Variants in DGCR2 observed in about 807,000 individuals in gnomAD.
The protein encoded by DGCR2 is integral membrane protein DGCR2/IDD.
A neutral mutation model predicts 51.6 loss-of-function variants in DGCR2; 24 were observed. That is an observed-to-expected ratio of 0.47 (90% confidence interval 0.34 to 0.65). DGCR2 has a LOEUF of 0.65. Among genes scored for constraint, DGCR2 ranks in the 30% least tolerant of loss-of-function variants. The probability of loss-of-function intolerance (pLI) is 0.01; values close to 1 mark genes in which losing one functional copy is unlikely to be tolerated. For missense variants in DGCR2, 765 were observed against 772.1 expected (o/e 0.99, Z 0.11); for synonymous variants, 340 against 315.4 (o/e 1.08, Z -0.82).
chr22:19,045,488 G>A (rs981579341), intron 7 of DGCR2: 2 of 152,246 alleles, frequency 1.3e-5, no homozygotes, highest in African/African-American at 4.8e-5. Context: ...GATTACTATG[G>A]CTGTACAGTA....
chr22:19,062,518 A>C (rs556682568), intron 5 of DGCR2, among the ~76,000 whole-genome samples: 43 of 152,256 alleles, frequency 2.8e-4, no homozygotes, highest in African/African-American at 1.0e-3. Flanking sequence ...ATCCTAGCTC[A>C]AGCCACAGGC....
At chr22:19,042,091 CT>C in intron 7 of DGCR2, 132 bp from the exon 8 acceptor site, 1 of 1,062,904 alleles carries the variant, frequency 9.4e-7, no homozygotes, top group Non-Finnish European at 1.3e-6. Context: ...ACCCAACCAT[CT>C]TTAGGATACA....
chr22:19,079,869 C>T (rs937649867), intron 2 of DGCR2, among the ~76,000 whole-genome samples: 2 of 152,222 alleles, frequency 1.3e-5, no homozygotes, highest in South Asian at 4.1e-4. Context: ...CAGACTCTGG[C>T]GAATATCCAC....
chr22:19,053,893 C>T (rs561935415), intron 6 of DGCR2, among the ~76,000 whole-genome samples: 1 of 152,158 alleles, frequency 6.6e-6, no homozygotes, highest in Non-Finnish European at 1.5e-5. Flanking sequence ...AAAAAACAGA[C>T]AAAATCAATG....
At chr22:19,062,991 G>T (rs746682831) in intron 5 of DGCR2, among the ~76,000 whole-genome samples, 5 of 152,122 alleles carry the variant, frequency 3.3e-5, no homozygotes, top group Non-Finnish European at 5.9e-5. Flanking sequence ...TGCAACAGAG[G>T]GTTCCAGAGA....
Position 19,089,487 on chromosome 22 carries a change from A to G in DGCR2, c.83T>C (p.Leu28Pro). 1 of 1,574,632 alleles carries G rather than the reference A, an allele frequency of 6.4e-7. No homozygotes were observed. Among genetic ancestry groups the G allele is most frequent in the Non-Finnish European group, 8.6e-7 (1 of 1,156,350 alleles). ...CGCAAACTGCCCAGGGTTGCACCGC[A>G]GCTCTGTGGGACCAAAGGGTGAGAG... Reference protein sequence around the residue: ...LTVTEPLRPELRCNPGQFACR... With the variant: ...LTVTEPLRPEPRCNPGQFACR... The change falls in exon 2 of 10, where the codon CTG becomes CCG. Residue 28 changes from leucine to proline, a missense_variant. Transcript: ENST00000263196.
At position 19,065,034 on chromosome 22, in the gene DGCR2, T is replaced by C. The variant is rs751206532; in HGVS notation, c.362A>G (p.His121Arg). ...GTAGCAGCTGGCCGTGCCTTCGTAG[T>C]GGTGCCACCCTGTCGGGCACTTCCC... Reference protein sequence around the residue: ...FLGKCPTGWHHYEGTASCYRV... With the variant: ...FLGKCPTGWHRYEGTASCYRV... The change falls in exon 4 of 10, where the codon CAC (histidine) becomes CGC (arginine). Residue 121 changes from histidine to arginine, a missense_variant. His to Arg is a conservative substitution (Grantham distance 29). Transcript: ENST00000263196. 10 of 1,613,940 alleles carry C rather than the reference T, an allele frequency of 6.2e-6. No homozygotes were observed. The highest frequency in any genetic ancestry group is 1.7e-6 in the Non-Finnish European group (2 of 1,180,044).
At chr22:19,116,614 G>A (rs2083376040) in intron 1 of DGCR2, among the ~76,000 whole-genome samples, 1 of 152,128 alleles carries the variant, frequency 6.6e-6, no homozygotes, top group Non-Finnish European at 1.5e-5. Context: ...AAACATAACA[G>A]CACATAAGAG....
intron 2 of DGCR2, among the ~76,000 whole-genome samples, chr22:19,084,694 T>C (rs374279443): frequency 0.39 from 29,560 of 75,468 alleles, 6,169 homozygotes; most frequent in African/African-American, 0.6. Flanking sequence ...CCCGGCCAGC[T>C]GCCCCGTCCG....
At position 19,111,845 on chromosome 22, in the gene DGCR2, ATT is replaced by A. The variant is rs796208922; in HGVS notation, c.79+10281_79+10282del. Among the ~76,000 whole-genome samples the A allele has an allele frequency of 1.7e-3, 216 of 130,332 alleles. 1 individual carries two copies. Among genetic ancestry groups the A allele is most frequent in the African/African-American group, 5.4e-3 (173 of 32,058 alleles). 85.5% of individuals were successfully genotyped at this position (130,332 alleles called of 152,430 possible). ...AACATCTAAACTCTTTTTTGTTTTT[ATT>A]TTTTATTTATTTATTTTTTTTTGTC... is the stretch of plus-strand genomic sequence containing the variant. On this transcript the variant is annotated intron_variant, in intron 1 of 9. Coordinates refer to ENST00000263196, the MANE Select transcript of DGCR2 (RefSeq NM_005137.3).
chr22:19,049,826 C>CAA (rs538842818), intron 6 of DGCR2, among the ~76,000 whole-genome samples: 7 of 110,266 alleles, frequency 6.3e-5, no homozygotes, highest in East Asian at 2.7e-4. Context: ...GACTCTGTCT[C>CAA]AAAAAAAAAA....
chr22:19,085,029 C>T (rs574760239), intron 2 of DGCR2, among the ~76,000 whole-genome samples: 2 of 151,028 alleles, frequency 1.3e-5, no homozygotes, highest in African/African-American at 2.4e-5. Context: ...CGGATGGTTG[C>T]TGTGTCTGTG....
intron 1 of DGCR2, among the ~76,000 whole-genome samples, chr22:19,090,897 G>A (rs1233214612): frequency 2.0e-5 from 3 of 151,970 alleles, no homozygotes; most frequent in Non-Finnish European, 4.4e-5. Flanking sequence ...CAATAAATAC[G>A]CAGAACGATC....
intron 4 of DGCR2, among the ~76,000 whole-genome samples, chr22:19,063,634 G>A (rs547696929): frequency 6.6e-6 from 1 of 151,346 alleles, no homozygotes; most frequent in Non-Finnish European, 1.5e-5. Flanking sequence ...TTTTTTAATA[G>A]CTATACTGAC....
At chr22:19,039,169 CAG>C (rs749283329) in intron 9 of DGCR2, 48 bp from the exon 10 acceptor site, 7 of 1,599,836 alleles carry the variant, frequency 4.4e-6, no homozygotes, top group Non-Finnish European at 6.0e-6. Context: ...GGGCCTGGCA[CAG>C]GGGATGCAGG....
chr22:19,121,718 G>A (rs557176231), intron 1 of DGCR2: 5 of 156,552 alleles, frequency 3.2e-5, no homozygotes, highest in Admixed American at 6.5e-5. Context: ...CACAACCACC[G>A]CTGTCCAGGC....
At chr22:19,114,777 A>T (rs1245323419) in intron 1 of DGCR2, among the ~76,000 whole-genome samples, 2 of 152,156 alleles carry the variant, frequency 1.3e-5, no homozygotes. Context: ...ACTCCTAAGG[A>T]AGGTTTCCCA....
At chr22:19,056,176 G>A (rs1252050758) in intron 6 of DGCR2, among the ~76,000 whole-genome samples, 9 of 152,030 alleles carry the variant, frequency 5.9e-5, no homozygotes, top group East Asian at 1.9e-4. Flanking sequence ...TTAGCCGGGC[G>A]TGGTGGCAGG....
chr22:19,114,383 C>G (rs1240421831), intron 1 of DGCR2, among the ~76,000 whole-genome samples: 2 of 152,262 alleles, frequency 1.3e-5, no homozygotes, highest in South Asian at 4.1e-4. Flanking sequence ...GCTGGTCTAG[C>G]AGGCATCCTT....
Sources: gnomAD v4.1 joint callset for allele counts (sites outside exome capture counted in the v4.1 genomes callset) on GRCh38, gnomAD v4.1.1 for gene constraint, MANE v1.5 for transcripts, NCBI Gene and HGNC (gene_info 2026-07-23, HGNC 2026-07-21) for gene names.